Variants in MICAL3 observed in about 807,000 individuals in gnomAD.
The protein encoded by MICAL3 is microtubule associated monooxygenase, calponin and LIM domain containing 3.
A neutral mutation model predicts 207.4 loss-of-function variants in MICAL3; 62 were observed. The ratio of observed to expected loss-of-function variants is 0.30; its 90% confidence interval spans 0.24 to 0.37. The LOEUF is 0.37. MICAL3 is among the 10% of genes least tolerant of loss of function. The pLI is 1.00. For synonymous variants in MICAL3, 1,077 were observed against 1,069.3 expected (o/e 1.01, Z -0.14); for missense variants, 2,368 against 2,635.6 (o/e 0.90, Z 2.22).
At chr22:17,996,223 A>G in intron 1 of MICAL3, among the ~76,000 whole-genome samples, 1 of 151,646 alleles carries the variant, frequency 6.6e-6, no homozygotes, top group East Asian at 1.9e-4. Flanking sequence ...GTGGATCACA[A>G]GGTCAGGAGA....
At chr22:17,826,203 T>C (rs1433039989) in intron 22 of MICAL3, among the ~76,000 whole-genome samples, 2 of 73,720 alleles carry the variant, frequency 2.7e-5, no homozygotes, top group African/African-American at 9.9e-5. Flanking sequence ...TATCCGACTC[T>C]TATCAATAAA....
chr22:17,907,685 C>T (rs142610937), intron 1 of MICAL3, among the ~76,000 whole-genome samples: 88 of 152,282 alleles, frequency 5.8e-4, no homozygotes, highest in African/African-American at 1.8e-3. Context: ...GCCCCACCTT[C>T]AAGAGGCTGG....
In MICAL3 at chr22:17,806,664, C is replaced by G. The variant is rs139694319; in HGVS notation, c.5650+2180G>C. Among the ~76,000 whole-genome samples, 1,048 of 152,284 alleles carry G rather than the reference C, an allele frequency of 6.9e-3. 8 individuals are homozygous for G. Among genetic ancestry groups the G allele is most frequent in the African/African-American group, 0.022 (922 of 41,534 alleles). ...TCATGTCCACCACTCTCTGCTATAA[C>G]CTGTGTTTTCAAATCTGTGTTAATT... On this transcript the variant is annotated intron_variant, in intron 29 of 31. Transcript: ENST00000441493.
chr22:17,887,553 C>T (rs1930031850), intron 13 of MICAL3, 118 bp from the exon 14 acceptor site: 1 of 632,800 alleles, frequency 1.6e-6, no homozygotes, highest in Non-Finnish European at 2.8e-6. Context: ...TAAAGGTTCA[C>T]CAGCTCCAGG....
At chr22:17,942,402 C>T (rs1346275521) in intron 1 of MICAL3, among the ~76,000 whole-genome samples, 1 of 152,142 alleles carries the variant, frequency 6.6e-6, no homozygotes, top group Admixed American at 6.6e-5. Context: ...TGCCTGGTAC[C>T]ACCTCCTGTC....
At chr22:17,976,560 T>TGTGTGTGTGTGTGC in intron 1 of MICAL3, among the ~76,000 whole-genome samples, 1 of 80,138 alleles carries the variant, frequency 1.2e-5, no homozygotes, top group African/African-American at 7.4e-5. Context: ...TGTGTGTGTG[T>TGTGTGTGTGTGTGC]GTATATATAT....
chr22:17,839,410 C>T (rs1302939640), intron 20 of MICAL3, among the ~76,000 whole-genome samples: 1 of 151,742 alleles, frequency 6.6e-6, no homozygotes, highest in Non-Finnish European at 1.5e-5. Flanking sequence ...GTGCGTGCCA[C>T]CACACCTGGC....
intron 1 of MICAL3, among the ~76,000 whole-genome samples, chr22:17,974,030 T>C (rs1179113013): frequency 5.3e-5 from 8 of 152,246 alleles, no homozygotes; most frequent in African/African-American, 1.7e-4. Context: ...AAATGGTTTA[T>C]ATCCTGGAAA....
chr22:17,929,740 T>A (rs1045080219), intron 1 of MICAL3, among the ~76,000 whole-genome samples: 3 of 152,124 alleles, frequency 2.0e-5, no homozygotes, highest in Admixed American at 6.5e-5. Flanking sequence ...GCTAATTTTT[T>A]GTATTTTTAG....
Position 17,906,646 on chromosome 22 carries a change from T to C in MICAL3, c.167A>G (p.Lys56Arg). ...GGCTTTGGCTTTCCAGTAGTTAAGCTTGGACTTGAGCTTGTGATAGAAGGA... is the reference window on the plus strand; with the variant it reads ...GGCTTTGGCTTTCCAGTAGTTAAGCCTGGACTTGAGCTTGTGATAGAAGGA... ...YRSFYHKLKSKLNYWKAKALW... is the reference protein window; with the variant it reads ...YRSFYHKLKSRLNYWKAKALW... Residue 56 changes from lysine to arginine, a missense_variant, in exon 2 of 32, where the codon AAG (lysine) becomes AGG (arginine). Coordinates refer to ENST00000441493, the MANE Select transcript of MICAL3 (RefSeq NM_015241.3). The C allele has an allele frequency of 1.9e-6, 3 of 1,614,028 alleles. No homozygotes were observed. The highest frequency in any genetic ancestry group is 1.3e-5 in the African/African-American group (1 of 75,050).
intron 1 of MICAL3, among the ~76,000 whole-genome samples, chr22:17,959,637 T>G (rs1039512328): frequency 1.3e-5 from 2 of 152,176 alleles, no homozygotes; most frequent in Non-Finnish European, 2.9e-5. Flanking sequence ...TGGAGTATGT[T>G]CTAAACGCAG....
chr22:17,973,853 C>A (rs1935524581), intron 1 of MICAL3, among the ~76,000 whole-genome samples: 2 of 151,910 alleles, frequency 1.3e-5, no homozygotes, highest in Admixed American at 1.3e-4. Flanking sequence ...CCTGGGAGGT[C>A]GAGGCTGCAG....
intron 29 of MICAL3, among the ~76,000 whole-genome samples, chr22:17,807,809 C>G (rs1304374783): frequency 6.6e-6 from 1 of 152,242 alleles, no homozygotes; most frequent in African/African-American, 2.4e-5. Flanking sequence ...CGCCTCCTCC[C>G]AGTTCGTCCA....
intron 16 of MICAL3, chr22:17,876,784 G>GGGAGGTTATGGAGGTTAGGGAGGTTAA (rs1556164716): frequency 1.8e-5 from 1 of 55,630 alleles, no homozygotes; most frequent in African/African-American, 6.5e-5. Context: ...ATGGAGGTTA[G>GGGAGGTTATGGAGGTTAGGGAGGTTAA]GGAGGTTAGG....
At chr22:17,937,532 G>A (rs545936971) in intron 1 of MICAL3, among the ~76,000 whole-genome samples, 1 of 152,262 alleles carries the variant, frequency 6.6e-6, no homozygotes, top group African/African-American at 2.4e-5. Context: ...GCGTGGTGGC[G>A]CATCCCCGTA....
At chr22:17,936,192 A>T (rs1303648012) in intron 1 of MICAL3, among the ~76,000 whole-genome samples, 1 of 152,240 alleles carries the variant, frequency 6.6e-6, no homozygotes, top group Non-Finnish European at 1.5e-5. Flanking sequence ...TCCATCAATT[A>T]TAGACTGGAT....
At chr22:18,001,510 C>T (rs572096741) in intron 1 of MICAL3, 1 of 152,330 alleles carries the variant, frequency 6.6e-6, no homozygotes, top group Admixed American at 6.5e-5. Flanking sequence ...GCGGCGCAGC[C>T]GGGGGATGGG....
rs79655035 is a variant in MICAL3, at chr22:17,791,323, C to T, written c.5651-22G>A. The stretch of plus-strand genomic sequence containing the variant: ...ATGCCTGCCGAGAGAACGCTTGTGT[C>T]GGGTGCAGGGAGTGCCGCGCCCACC... On this transcript the variant is annotated intron_variant, in intron 29 of 31. Transcript: ENST00000441493. 1,398 of 1,602,452 alleles carry T rather than the reference C, an allele frequency of 8.7e-4. 15 individuals are homozygous for T. The African/African-American group carries it at 0.012, about 14-fold the overall frequency.
chr22:17,872,831 G>A (rs370830916), intron 16 of MICAL3: 21 of 1,610,854 alleles, frequency 1.3e-5, no homozygotes, highest in South Asian at 3.3e-5. Context: ...AGCTCACTCC[G>A]CCCGTGTACA....
Sources: allele counts gnomAD v4.1 joint callset (sites outside exome capture counted in the v4.1 genomes callset), GRCh38; gene constraint gnomAD v4.1.1; transcripts MANE v1.5; gene names NCBI Gene and HGNC (gene_info 2026-07-23, HGNC 2026-07-21).